Variants in HLF observed in about 807,000 individuals in gnomAD.
HLF encodes the protein hepatic leukemia factor.
A neutral mutation model predicts 22.6 loss-of-function variants in HLF; 3 were observed. The observed-to-expected ratio is 0.13, with a 90% CI of 0.06 to 0.34. HLF has a LOEUF of 0.34. HLF is among the 10% of genes least tolerant of loss of function. The pLI, the probability that HLF is intolerant of heterozygous loss-of-function variation, is 1.00. For synonymous variants in HLF, 151 were observed against 151.8 expected (o/e 0.99, Z 0.04); for missense variants, 299 against 389.2 (o/e 0.77, Z 1.95).
chr17:55,291,541 A>G (rs1020502044), intron 2 of HLF, among the ~76,000 whole-genome samples: 1 of 152,228 alleles, frequency 6.6e-6, no homozygotes, highest in South Asian at 2.1e-4. Flanking sequence ...AAATCCTTTC[A>G]AAATATTACT....
intron 2 of HLF, among the ~76,000 whole-genome samples, chr17:55,307,542 C>T (rs1904637977): frequency 6.6e-6 from 1 of 151,996 alleles, no homozygotes; most frequent in Admixed American, 6.6e-5. Context: ...TTTTTAATTT[C>T]TGATTTTGAA....
chr17:55,317,488 T>C (rs1381260263), intron 3 of HLF, among the ~76,000 whole-genome samples: 1 of 152,190 alleles, frequency 6.6e-6, no homozygotes, highest in African/African-American at 2.4e-5. Context: ...AAACCGTCTG[T>C]GCTGGAATTA....
intron 2 of HLF, among the ~76,000 whole-genome samples, chr17:55,311,474 A>G (rs1037677251): frequency 1.3e-5 from 2 of 152,158 alleles, no homozygotes; most frequent in African/African-American, 4.8e-5. Flanking sequence ...ACTGCACTCC[A>G]GCCTGGGTGA....
At chr17:55,307,835 A>G (rs1904652226) in intron 2 of HLF, among the ~76,000 whole-genome samples, 1 of 151,968 alleles carries the variant, frequency 6.6e-6, no homozygotes, top group Admixed American at 6.6e-5. Flanking sequence ...TATTGTAAAA[A>G]AAAAAAAAAA....
intron 2 of HLF, among the ~76,000 whole-genome samples, chr17:55,306,564 GTGTGTGTGTGTATGCATGTGTA>G (rs1904568189): frequency 6.6e-6 from 1 of 151,858 alleles, no homozygotes; most frequent in Non-Finnish European, 1.5e-5. Flanking sequence ...GTGTGTGTGT[GTGTGTGTGTGTATGCATGTGTA>G]TGTGTATGCA....
intron 2 of HLF, among the ~76,000 whole-genome samples, chr17:55,294,996 G>A (rs573601104): frequency 6.6e-6 from 1 of 152,264 alleles, no homozygotes; most frequent in South Asian, 2.1e-4. Flanking sequence ...TCATTAGTAT[G>A]GGTATTTTTA....
At position 55,267,893 on chromosome 17, in the gene HLF, G is replaced by T. The variant is rs200291249; in HGVS notation, c.258G>T (p.Met86Ile). ...YDGDTFQLEYMDLEEFLSENG... is the reference protein window; with the variant it reads ...YDGDTFQLEYIDLEEFLSENG... ...GAGATACTTTCCAGTTGGAATACAT[G>T]GACCTGGAGGAGTTTTTGTCAGAAA... is the stretch of plus-strand genomic sequence containing the variant. The change falls in exon 2 of 4, where the codon ATG (methionine) becomes ATT (isoleucine). Residue 86 changes from methionine to isoleucine, a missense_variant. Coordinates refer to ENST00000226067, the MANE Select transcript of HLF (RefSeq NM_002126.5). 90 of 1,613,998 alleles carry T rather than the reference G, an allele frequency of 5.6e-5. No individual in the cohort carries two copies. Among genetic ancestry groups the T allele is most frequent in the Non-Finnish European group, 5.9e-6 (7 of 1,180,028 alleles).
chr17:55,318,973 A>C (rs1352714479), intron 3 of HLF: 2 of 152,568 alleles, frequency 1.3e-5, no homozygotes, highest in African/African-American at 4.8e-5. Flanking sequence ...TTCGGCCAAC[A>C]ACCATTGCAC....
At chr17:55,285,577 G>T (rs749632204) in intron 2 of HLF, among the ~76,000 whole-genome samples, 61 of 152,284 alleles carry the variant, frequency 4.0e-4, no homozygotes, top group South Asian at 1.0e-3. Flanking sequence ...CGTTTTCCAG[G>T]GCTGTTGGTG....
chr17:55,306,284 C>T (rs1421629509), intron 2 of HLF, among the ~76,000 whole-genome samples: 2 of 152,144 alleles, frequency 1.3e-5, no homozygotes, highest in Non-Finnish European at 2.9e-5. Flanking sequence ...GCCTACAGGA[C>T]GTCATTGCAT....
chr17:55,297,372 C>A lies in HLF; in HGVS notation c.452-17855C>A, dbSNP rs374592077. 8.5e-5 allele frequency among the ~76,000 whole-genome samples: 13 copies of A among 152,206 alleles called. No homozygotes were observed. In the East Asian group the frequency reaches 1.7e-3, roughly 20 times the overall value. On this transcript the variant is annotated intron_variant, in intron 2 of 3. Transcript: ENST00000226067. Reference sequence around the variant, plus strand: ...GGTAGAGTTTGTAGTTATTGAAAGTCTTTCTCTTATTTCAGTTTGAAATGT... The same window carrying A: ...GGTAGAGTTTGTAGTTATTGAAAGTATTTCTCTTATTTCAGTTTGAAATGT...
At position 55,267,738 on chromosome 17, in the gene HLF, CCTT is replaced by C. The variant is rs1598384663; in HGVS notation, c.116-7_116-5del. Reference sequence around the variant, plus strand: ...TTCTTTTTTTTTAAGTCCAGCTTTCCCTTCTTCTGCAGCATTTAGTAAAGATAA... The same window carrying C: ...TTCTTTTTTTTTAAGTCCAGCTTTCCCTTCTGCAGCATTTAGTAAAGATAA... On this transcript the variant is annotated splice_polypyrimidine_tract_variant and intron_variant, in intron 1 of 3. Coordinates refer to ENST00000226067, the MANE Select transcript of HLF (RefSeq NM_002126.5). 11 of 1,519,108 alleles carry C rather than the reference CCTT, an allele frequency of 7.2e-6. No homozygotes were observed. Among genetic ancestry groups the C allele is most frequent in the African/African-American group, 1.4e-5 (1 of 71,324 alleles). The allele number at this position is 1,519,108 out of a possible 1,614,324, so 94.1% of individuals were successfully genotyped here.
In HLF at chr17:55,265,617, C is replaced by T; in HGVS notation, c.115+18C>T. The T allele has an allele frequency of 6.5e-7, 1 of 1,546,228 alleles. No homozygotes were observed. The highest frequency in any genetic ancestry group is 8.8e-7 in the Non-Finnish European group (1 of 1,132,886). On this transcript the variant is annotated intron_variant, in intron 1 of 3. Coordinates refer to ENST00000226067, the MANE Select transcript of HLF (RefSeq NM_002126.5). The stretch of plus-strand genomic sequence containing the variant: ...CGAAGACGGTGAGCGCTGCCGCGGC[C>T]CCGCTCCGGGAAGGGACGACGCTCC...
At chr17:55,317,038 G>A (rs1239129783) in intron 3 of HLF, among the ~76,000 whole-genome samples, 2 of 140,686 alleles carry the variant, frequency 1.4e-5, no homozygotes, top group Non-Finnish European at 3.0e-5. Context: ...CACGATCTCA[G>A]CTCACTGCAA....
At chr17:55,296,796 A>G (rs1321201215) in intron 2 of HLF, among the ~76,000 whole-genome samples, 8 of 152,280 alleles carry the variant, frequency 5.3e-5, no homozygotes, top group African/African-American at 7.2e-5. Context: ...CACTCCCACT[A>G]AAAGTGTGTG....
chr17:55,299,383 A>G lies in HLF; in HGVS notation c.452-15844A>G, dbSNP rs555586785. Among the ~76,000 whole-genome samples, 11 of 152,282 alleles carry G rather than the reference A, an allele frequency of 7.2e-5. No homozygotes were observed. In the South Asian group the frequency reaches 1.0e-3, roughly 14 times the overall value. On this transcript the variant is annotated intron_variant, in intron 2 of 3. Coordinates refer to ENST00000226067, the MANE Select transcript of HLF (RefSeq NM_002126.5). The stretch of plus-strand genomic sequence containing the variant: ...GCTATCTCTACGGGCATTTTCACCT[A>G]TCCTGCCTACTTCCGTAACCTATGC...
intron 3 of HLF, among the ~76,000 whole-genome samples, chr17:55,316,458 G>GA (rs534112184): frequency 1.2e-4 from 18 of 152,174 alleles, no homozygotes; most frequent in Non-Finnish European, 2.1e-4. Context: ...TACATAGCTA[G>GA]AAAAAATGCT....
At chr17:55,313,215 C>T (rs553668191) in intron 2 of HLF, among the ~76,000 whole-genome samples, 1 of 152,270 alleles carries the variant, frequency 6.6e-6, no homozygotes, top group South Asian at 2.1e-4. Context: ...ATGTCAGAGT[C>T]CAGCATCTCA....
chr17:55,284,944 A>G (rs1167885943), intron 2 of HLF, among the ~76,000 whole-genome samples: 2 of 152,168 alleles, frequency 1.3e-5, no homozygotes, highest in African/African-American at 2.4e-5. Context: ...ATAGATATAT[A>G]TAGATTGAGA....
Sources: gnomAD v4.1 joint callset for allele counts (sites outside exome capture counted in the v4.1 genomes callset) on GRCh38, gnomAD v4.1.1 for gene constraint, MANE v1.5 for transcripts, NCBI Gene and HGNC (gene_info 2026-07-23, HGNC 2026-07-21) for gene names.